KCNK2: variants seen among roughly 807,000 people sequenced by gnomAD.
KCNK2 encodes potassium channel subfamily K member 2.
A neutral mutation model predicts 40.5 loss-of-function variants in KCNK2; 21 were observed. The ratio of observed to expected loss-of-function variants is 0.52; its 90% CI spans 0.37 to 0.75. The LOEUF is 0.75. Among genes scored for constraint, KCNK2 ranks in the 30% least tolerant of loss-of-function variants. KCNK2 has a pLI of 0.00. For synonymous variants in KCNK2, 191 were observed against 202.2 expected (o/e 0.94, Z 0.47); for missense variants, 399 against 531.6 (o/e 0.75, Z 2.45).
chr1:215,113,694 C>T (rs1660800179), intron 2 of KCNK2, among the ~76,000 whole-genome samples: 1 of 152,204 alleles, frequency 6.6e-6, no homozygotes, highest in African/African-American at 2.4e-5. Flanking sequence ...CTCCCAGGTT[C>T]AAGCGATTCT....
At chr1:215,064,994 G>A (rs549908686) in intron 1 of KCNK2, among the ~76,000 whole-genome samples, 2 of 152,118 alleles carry the variant, frequency 1.3e-5, no homozygotes, top group East Asian at 3.9e-4. Flanking sequence ...TATTTGATTT[G>A]GGGAATCTTT....
intron 3 of KCNK2, among the ~76,000 whole-genome samples, chr1:215,159,499 A>G (rs1244848584): frequency 2.6e-5 from 4 of 152,130 alleles, no homozygotes; most frequent in African/African-American, 7.2e-5. Flanking sequence ...GCGGACGGTT[A>G]TAGGGTTTTT....
intron 2 of KCNK2, among the ~76,000 whole-genome samples, chr1:215,114,204 G>C (rs1420748385): frequency 6.6e-6 from 1 of 152,086 alleles, no homozygotes; most frequent in African/African-American, 2.4e-5. Context: ...CCTTTCATAG[G>C]GTGCTGTGCT....
At chr1:215,120,162 GTCT>G (rs1356543296) in intron 2 of KCNK2, among the ~76,000 whole-genome samples, 4 of 152,058 alleles carry the variant, frequency 2.6e-5, no homozygotes, top group African/African-American at 7.2e-5. Context: ...TCTGATTATA[GTCT>G]TCTTTTGAAT....
chr1:215,166,924 A>G (rs1663472338), intron 3 of KCNK2, among the ~76,000 whole-genome samples: 1 of 152,164 alleles, frequency 6.6e-6, no homozygotes, highest in South Asian at 2.1e-4. Context: ...TGAAAAAGAA[A>G]TTAATATAAT....
intron 5 of KCNK2, 59 bp from the exon 6 acceptor site, chr1:215,194,894 C>A: frequency 6.5e-7 from 1 of 1,539,982 alleles, no homozygotes; most frequent in South Asian, 1.1e-5. Flanking sequence ...TTAGCAATAC[C>A]TAGATTGTTT....
intron 1 of KCNK2, among the ~76,000 whole-genome samples, chr1:215,063,463 A>G (rs1658427447): frequency 6.6e-6 from 1 of 152,130 alleles, no homozygotes; most frequent in Admixed American, 6.5e-5. Context: ...CCCCATCCTC[A>G]TCTCCATGAA....
intron 3 of KCNK2, among the ~76,000 whole-genome samples, chr1:215,125,910 G>T (rs778045894): frequency 6.6e-5 from 10 of 151,558 alleles, no homozygotes; most frequent in Non-Finnish European, 1.2e-4. Flanking sequence ...AAGGAAATGG[G>T]CTCATCATAG....
intron 2 of KCNK2, among the ~76,000 whole-genome samples, chr1:215,097,759 TC>T (rs940106764): frequency 6.6e-6 from 1 of 151,968 alleles, no homozygotes; most frequent in African/African-American, 2.4e-5. Context: ...AGTTTATATT[TC>T]CTTGTGGTCC....
chr1:215,014,823 T>C (rs1656530215), intron 1 of KCNK2, among the ~76,000 whole-genome samples: 2 of 152,142 alleles, frequency 1.3e-5, no homozygotes, highest in African/African-American at 4.8e-5. Flanking sequence ...GTAAGTTCCA[T>C]AGAGAGATGA....
intron 3 of KCNK2, among the ~76,000 whole-genome samples, chr1:215,143,066 T>A (rs1258085213): frequency 6.6e-6 from 1 of 152,156 alleles, no homozygotes; most frequent in Non-Finnish European, 1.5e-5. Context: ...TGTAGGAAAC[T>A]AAGGTGCGAA....
At chr1:215,137,214 C>T (rs1038554870) in intron 3 of KCNK2, among the ~76,000 whole-genome samples, 1 of 152,082 alleles carries the variant, frequency 6.6e-6, no homozygotes, top group African/African-American at 2.4e-5. Flanking sequence ...TACCAATGAT[C>T]ACTTAACAAG....
At chr1:215,126,954 GA>G (rs1661465077) in intron 3 of KCNK2, among the ~76,000 whole-genome samples, 1 of 152,074 alleles carries the variant, frequency 6.6e-6, no homozygotes, top group East Asian at 1.9e-4. Flanking sequence ...TTGGGCAAGG[GA>G]AAAAATTTGG....
At chr1:215,005,754 C>T, upstream of KCNK2, 1 of 600,860 alleles carries the variant, frequency 1.7e-6, no homozygotes, top group Non-Finnish European at 3.0e-6. Context: ...TGTTTTTGTA[C>T]AGGAAACTGA....
chr1:215,077,084 C>A (rs1658970689), intron 1 of KCNK2, among the ~76,000 whole-genome samples: 1 of 152,166 alleles, frequency 6.6e-6, no homozygotes, highest in Non-Finnish European at 1.5e-5. Context: ...CGGTATAGAG[C>A]AAAAGTTGCT....
intron 6 of KCNK2, among the ~76,000 whole-genome samples, chr1:215,226,153 G>C (rs566901323): frequency 8.5e-5 from 13 of 152,244 alleles, no homozygotes; most frequent in African/African-American, 3.1e-4. Context: ...AGTAAGGTTT[G>C]GAACCATTAT....
chr1:215,023,095 A>G (rs1490358915), intron 1 of KCNK2, among the ~76,000 whole-genome samples: 1 of 152,228 alleles, frequency 6.6e-6, no homozygotes, highest in Non-Finnish European at 1.5e-5. Flanking sequence ...GGTGGCCCTG[A>G]AATATGAGCC....
At chr1:215,165,443 A>G (rs974343641) in intron 3 of KCNK2, among the ~76,000 whole-genome samples, 1 of 152,148 alleles carries the variant, frequency 6.6e-6, no homozygotes, top group Non-Finnish European at 1.5e-5. Context: ...TGGAAGAACA[A>G]TGTGTAATCA....
At chr1:215,195,193 A>G (rs1360351320) in intron 6 of KCNK2, 101 bp downstream of exon 6, 1 of 969,626 alleles carries the variant, frequency 1.0e-6, no homozygotes, top group East Asian at 2.9e-5. Flanking sequence ...TAAACATTTT[A>G]AAATGTTAAT....
Sources: gnomAD v4.1 joint callset for allele counts (sites outside exome capture counted in the v4.1 genomes callset) on GRCh38, gnomAD v4.1.1 for gene constraint, MANE v1.5 for transcripts, NCBI Gene and HGNC (gene_info 2026-07-23, HGNC 2026-07-21) for gene names.